The following SOX5 variants were observed in gnomAD, a reference collection of about 807,000 sequenced individuals.
SOX5 encodes the protein transcription factor SOX-5.
A neutral mutation model predicts 92.0 loss-of-function variants in SOX5; 9 were observed. The ratio of observed to expected loss-of-function variants is 0.10; its 90% confidence interval spans 0.06 to 0.17. The LOEUF (loss-of-function observed/expected upper bound fraction) is 0.17. Ranked by LOEUF, SOX5 falls within the 10% of genes least tolerant of loss-of-function variation. The probability of loss-of-function intolerance (pLI) is 1.00; values close to 1 mark genes in which losing one functional copy is unlikely to be tolerated. For synonymous variants in SOX5, 344 were observed against 336.3 expected (o/e 1.02, Z -0.25); for missense variants, 642 against 944.5 (o/e 0.68, Z 4.20).
chr12:24,399,796 T>G (rs1961069164), intron 1 of SOX5, among the ~76,000 whole-genome samples: 2 of 152,186 alleles, frequency 1.3e-5, no homozygotes, highest in African/African-American at 4.8e-5. Flanking sequence ...TCTCTTGTGC[T>G]CCCAGCAACA....
At chr12:23,711,284 G>T (rs980648876) in intron 6 of SOX5, among the ~76,000 whole-genome samples, 1 of 152,070 alleles carries the variant, frequency 6.6e-6, no homozygotes, top group Non-Finnish European at 1.5e-5. Flanking sequence ...ACACCATAGG[G>T]TTGGATAGTC....
intron 1 of SOX5, among the ~76,000 whole-genome samples, chr12:24,407,296 A>C (rs1307992827): frequency 6.6e-6 from 1 of 152,174 alleles, no homozygotes; most frequent in Non-Finnish European, 1.5e-5. Context: ...ACTAATGGAG[A>C]GATGACAGCC....
At chr12:23,878,969 T>G (rs758572535) in intron 2 of SOX5, among the ~76,000 whole-genome samples, 2 of 152,142 alleles carry the variant, frequency 1.3e-5, no homozygotes, top group Non-Finnish European at 2.9e-5. Context: ...GTAGTGAAGT[T>G]TGCCAGAATC....
At chr12:23,609,617 A>T (rs2075711665) in intron 8 of SOX5, among the ~76,000 whole-genome samples, 1 of 152,136 alleles carries the variant, frequency 6.6e-6, no homozygotes, top group Non-Finnish European at 1.5e-5. Flanking sequence ...ATCTATTCTC[A>T]TTTGTGTATA....
At chr12:23,800,782 C>T (rs1298950181) in intron 3 of SOX5, among the ~76,000 whole-genome samples, 2 of 152,024 alleles carry the variant, frequency 1.3e-5, no homozygotes, top group Non-Finnish European at 2.9e-5. Flanking sequence ...TGAAATAAAC[C>T]ATTATTCTCA....
intron 3 of SOX5, among the ~76,000 whole-genome samples, chr12:23,769,160 C>T (rs1182640944): frequency 6.6e-6 from 1 of 152,080 alleles, no homozygotes; most frequent in South Asian, 2.1e-4. Context: ...AATTATGAAG[C>T]AGCAAAGCCA....
chr12:24,315,083 T>C (rs1349759843), intron 2 of SOX5, among the ~76,000 whole-genome samples: 2 of 152,226 alleles, frequency 1.3e-5, no homozygotes, highest in African/African-American at 4.8e-5. Context: ...ATAAAGAAAC[T>C]TCCCTGAAAT....
intron 1 of SOX5, among the ~76,000 whole-genome samples, chr12:23,902,419 T>C (rs1446082932): frequency 2.0e-5 from 3 of 152,116 alleles, no homozygotes; most frequent in Admixed American, 6.5e-5. Context: ...ATCTTAAAGT[T>C]TGCAGTTATA....
intron 1 of SOX5, among the ~76,000 whole-genome samples, chr12:24,404,860 A>C (rs1962553318): frequency 6.6e-6 from 1 of 152,064 alleles, no homozygotes; most frequent in Non-Finnish European, 1.5e-5. Context: ...GTCTTTGTGG[A>C]TGTAATTAGT....
At chr12:24,444,333 CT>C (rs1941137878) in intron 1 of SOX5, among the ~76,000 whole-genome samples, 1 of 151,472 alleles carries the variant, frequency 6.6e-6, no homozygotes, top group Non-Finnish European at 1.5e-5. Flanking sequence ...ATTATCCCTA[CT>C]CCATAGATGA....
At chr12:24,323,979 T>C (rs963977436) in intron 2 of SOX5, among the ~76,000 whole-genome samples, 2 of 152,142 alleles carry the variant, frequency 1.3e-5, no homozygotes, top group Non-Finnish European at 2.9e-5. Flanking sequence ...TAAGAAATGA[T>C]TATGTATAAA....
In SOX5 at chr12:23,719,788, C is replaced by CAAAAAAAA. The variant is rs33914230; in HGVS notation, c.810+14888_810+14895dup. On this transcript the variant is annotated intron_variant, in intron 6 of 14. Transcript: ENST00000451604. ...TTCAAAAAAAACCCCAGCTATTTAC[C>CAAAAAAAA]AAAAAAAAAAAAAAAAAAAAAAACT... Among the ~76,000 whole-genome samples the CAAAAAAAA allele has an allele frequency of 3.3e-4, 21 of 64,148 alleles. 1 individual carries two copies. The highest frequency in any genetic ancestry group is 4.1e-4 in the Non-Finnish European group (15 of 36,326). The allele number at this position is 64,148 out of a possible 152,430, so 42.1% of individuals were successfully genotyped here.
chr12:23,535,450 T>G (rs901484044), intron 14 of SOX5, among the ~76,000 whole-genome samples: 1 of 152,228 alleles, frequency 6.6e-6, no homozygotes, highest in African/African-American at 2.4e-5. Flanking sequence ...GACTTGAAAT[T>G]CTTAATAACT....
chr12:23,649,568 T>C (rs2081295878), intron 7 of SOX5, among the ~76,000 whole-genome samples: 1 of 152,144 alleles, frequency 6.6e-6, no homozygotes, highest in African/African-American at 2.4e-5. Flanking sequence ...ATTTGCTTCT[T>C]ATTTCAAGAC....
At chr12:24,279,415 TTCAG>T (rs754819554) in intron 2 of SOX5, among the ~76,000 whole-genome samples, 52 of 152,134 alleles carry the variant, frequency 3.4e-4, no homozygotes, top group Non-Finnish European at 7.2e-4. Context: ...GAAATGATAG[TTCAG>T]TCATTCTTTT....
intron 4 of SOX5, among the ~76,000 whole-genome samples, chr12:24,163,662 G>A (rs1314895239): frequency 6.6e-6 from 1 of 151,872 alleles, no homozygotes; most frequent in East Asian, 1.9e-4. Context: ...ATGGGGCATA[G>A]GACTTCAAAA....
At chr12:23,625,425 T>C (rs796192289) in intron 8 of SOX5, among the ~76,000 whole-genome samples, 8 of 152,296 alleles carry the variant, frequency 5.3e-5, no homozygotes, top group African/African-American at 1.9e-4. Flanking sequence ...GATGAAAACA[T>C]TTGAAGGCTT....
intron 4 of SOX5, among the ~76,000 whole-genome samples, chr12:24,150,545 A>C (rs997188937): frequency 6.6e-6 from 1 of 152,176 alleles, no homozygotes. Flanking sequence ...GAAATTACTC[A>C]AAGAAAACTG....
At chr12:24,436,755 T>C (rs1484904633) in intron 1 of SOX5, among the ~76,000 whole-genome samples, 1 of 152,180 alleles carries the variant, frequency 6.6e-6, no homozygotes, top group Non-Finnish European at 1.5e-5. Flanking sequence ...CTTTCACAGC[T>C]AGAGAGGAGA....
Sources: gnomAD v4.1 joint callset for allele counts (sites outside exome capture counted in the v4.1 genomes callset) on GRCh38, gnomAD v4.1.1 for gene constraint, MANE v1.5 for transcripts, NCBI Gene and HGNC (gene_info 2026-07-23, HGNC 2026-07-21) for gene names.